AKT3: variants seen among roughly 807,000 people sequenced by gnomAD.
The protein encoded by AKT3 is AKT serine/threonine kinase 3, also known as RAC-gamma serine/threonine-protein kinase.
Under a neutral mutation model 65.3 loss-of-function variants are expected in AKT3, and 15 were observed. The ratio of observed to expected loss-of-function variants is 0.23; its 90% CI spans 0.15 to 0.35. AKT3 has a LOEUF of 0.35. AKT3 is among the 10% of genes least tolerant of loss of function. The pLI is 1.00. For synonymous variants in AKT3, 206 were observed against 183.8 expected (o/e 1.12, Z -0.98); for missense variants, 243 against 576.5 (o/e 0.42, Z 5.92).
At chr1:243,742,252 T>C (rs1488115315) in intron 2 of AKT3, among the ~76,000 whole-genome samples, 1 of 152,110 alleles carries the variant, frequency 6.6e-6, no homozygotes, top group African/African-American at 2.4e-5. Flanking sequence ...CCTTTCTAAA[T>C]TGAAAATTTT....
At chr1:243,676,372 T>A (rs892688291) in intron 3 of AKT3, among the ~76,000 whole-genome samples, 1 of 152,028 alleles carries the variant, frequency 6.6e-6, no homozygotes, top group Admixed American at 6.6e-5. Context: ...AGGTAGGAGA[T>A]GAGGTTAGAA....
intron 8 of AKT3, among the ~76,000 whole-genome samples, chr1:243,602,544 G>C (rs1052365935): frequency 1.1e-4 from 17 of 152,102 alleles, no homozygotes; most frequent in African/African-American, 3.6e-4. Context: ...AGGAGAACTA[G>C]AATACTGACT....
chr1:243,714,470 C>T (rs954264274), intron 2 of AKT3, among the ~76,000 whole-genome samples: 2 of 152,072 alleles, frequency 1.3e-5, no homozygotes, highest in African/African-American at 2.4e-5. Context: ...GATAAGATTT[C>T]TGATATGTCA....
At chr1:243,726,954 G>A (rs552094435) in intron 2 of AKT3, among the ~76,000 whole-genome samples, 1 of 152,322 alleles carries the variant, frequency 6.6e-6, no homozygotes, top group African/African-American at 2.4e-5. Flanking sequence ...GTGGCAATAG[G>A]TGGCCTAGCC....
chr1:243,803,902 A>G (rs1231910181), intron 2 of AKT3, among the ~76,000 whole-genome samples: 2 of 152,194 alleles, frequency 1.3e-5, no homozygotes, highest in Non-Finnish European at 2.9e-5. Context: ...AATTTACCAT[A>G]TAACTGGTGA....
At chr1:243,512,117 C>G (rs1381605811) in intron 13 of AKT3, among the ~76,000 whole-genome samples, 1 of 152,178 alleles carries the variant, frequency 6.6e-6, no homozygotes, top group Non-Finnish European at 1.5e-5. Context: ...CCCAGAAAAG[C>G]ATTTCTTGCA....
intron 9 of AKT3, among the ~76,000 whole-genome samples, chr1:243,565,928 T>C (rs1674126404): frequency 6.6e-6 from 1 of 152,190 alleles, no homozygotes; most frequent in African/African-American, 2.4e-5. Context: ...ACTAATATAA[T>C]ACATTAACAA....
At chr1:243,582,222 T>C (rs1348918354) in intron 8 of AKT3, among the ~76,000 whole-genome samples, 1 of 151,652 alleles carries the variant, frequency 6.6e-6, no homozygotes, top group African/African-American at 2.4e-5. Context: ...GAGACAGATA[T>C]CCAGATACAA....
At chr1:243,702,629 A>G (rs1413203126) in intron 2 of AKT3, among the ~76,000 whole-genome samples, 1 of 152,178 alleles carries the variant, frequency 6.6e-6, no homozygotes, top group Non-Finnish European at 1.5e-5. Flanking sequence ...TGTTCTACTA[A>G]TCAGTACTGC....
chr1:243,682,305 A>C (rs573703751), intron 3 of AKT3, among the ~76,000 whole-genome samples: 4 of 152,264 alleles, frequency 2.6e-5, no homozygotes, highest in East Asian at 3.9e-4. Context: ...ACATACAAGA[A>C]GGCAAATTTT....
intron 2 of AKT3, among the ~76,000 whole-genome samples, chr1:243,797,083 T>C (rs1171571440): frequency 6.6e-6 from 1 of 152,086 alleles, no homozygotes; most frequent in African/African-American, 2.4e-5. Context: ...TGCATGTACT[T>C]GATGTCGCTG....
In AKT3 at chr1:243,501,154, T is replaced by C. The variant is rs1217930550; in HGVS notation, c.*4095A>G. ...AAAGCCATTCCTCTGTCTGGCTTCG[T>C]CACAGGAGCAAAGCCAAGTTTCTAC... On this transcript the variant is annotated 3_prime_UTR_variant, in exon 14 of 14. Coordinates refer to ENST00000673466, the MANE Select transcript of AKT3 (RefSeq NM_005465.7). 3 of 231,202 alleles carry C rather than the reference T, an allele frequency of 1.3e-5. No homozygotes were observed. In the Admixed American group the frequency reaches 1.7e-4, roughly 13 times the overall value. The allele number at this position is 231,202 out of a possible 1,614,324, so 14.3% of individuals were successfully genotyped here. A position where few individuals can be genotyped will look rare whatever the true frequency, so the allele number is the denominator to read the frequency against.
intron 8 of AKT3, among the ~76,000 whole-genome samples, chr1:243,609,743 C>G (rs533402139): frequency 1.3e-5 from 2 of 152,076 alleles, no homozygotes. Context: ...CAAAGATATG[C>G]TGAACAAGAA....
intron 10 of AKT3, among the ~76,000 whole-genome samples, chr1:243,553,414 G>A (rs1449380654): frequency 1.3e-5 from 2 of 152,154 alleles, no homozygotes; most frequent in East Asian, 3.8e-4. Context: ...GTGAAAGACA[G>A]TAGTAAACAA....
At chr1:243,759,096 T>G (rs1217509781) in intron 2 of AKT3, among the ~76,000 whole-genome samples, 1 of 152,132 alleles carries the variant, frequency 6.6e-6, no homozygotes, top group Non-Finnish European at 1.5e-5. Flanking sequence ...GGAGGATCAC[T>G]TGGGTCCAGG....
Position 243,729,528 on chromosome 1 carries a change from T to G in AKT3, c.47-33812A>C, listed in dbSNP as rs1420858113. Among the ~76,000 whole-genome samples, 3 of 152,020 alleles carry G rather than the reference T, an allele frequency of 2.0e-5. No homozygotes were observed. The East Asian group carries it at 5.8e-4, about 29-fold the overall frequency. The stretch of plus-strand genomic sequence containing the variant: ...ATAAAGAGACATGAAAGTAACCATA[T>G]CCTTTGAGCCAGTAATTTCACTCAT... On this transcript the variant is annotated intron_variant, in intron 2 of 13. Transcript: ENST00000673466.
At chr1:243,580,942 T>C (rs749053483) in intron 8 of AKT3, among the ~76,000 whole-genome samples, 3 of 152,160 alleles carry the variant, frequency 2.0e-5, no homozygotes, top group Non-Finnish European at 4.4e-5. Flanking sequence ...AGCACCTCCT[T>C]GCCTGCTTCT....
intron 2 of AKT3, among the ~76,000 whole-genome samples, chr1:243,730,672 C>A (rs1687500396): frequency 6.6e-6 from 1 of 152,172 alleles, no homozygotes; most frequent in Admixed American, 6.5e-5. Flanking sequence ...GGTGGTGGGA[C>A]TGAACAAGCT....
At chr1:243,488,559 C>T in intron 13 of AKT3, 1 of 215,162 alleles carries the variant, frequency 4.6e-6, no homozygotes, top group Non-Finnish European at 9.5e-6. Context: ...GTCAGCGATG[C>T]CGGAGCTCGT....
Sources: gnomAD v4.1 joint callset for allele counts (sites outside exome capture counted in the v4.1 genomes callset) on GRCh38, gnomAD v4.1.1 for gene constraint, MANE v1.5 for transcripts, NCBI Gene and HGNC (gene_info 2026-07-23, HGNC 2026-07-21) for gene names.